The following TIMM9 variants were observed in gnomAD, a reference collection of about 807,000 sequenced individuals.
TIMM9 encodes translocase of inner mitochondrial membrane 9.
A neutral mutation model predicts 13.4 loss-of-function variants in TIMM9; 10 were observed. The ratio of observed to expected loss-of-function variants is 0.75; its 90% CI spans 0.46 to 1.26. TIMM9 has a LOEUF of 1.26. Ranked by LOEUF, TIMM9 falls within the 50% of genes most tolerant of loss-of-function variation. TIMM9 has a pLI of 0.00. For missense variants in TIMM9, 87 were observed against 100.8 expected, an observed-to-expected ratio of 0.86 and a Z score of 0.58; for synonymous variants, 32 against 32.1, an observed-to-expected ratio of 1.00 and a Z score of 0.01.
intron 3 of TIMM9, among the ~76,000 whole-genome samples, chr14:58,413,694 A>G (rs902539086): frequency 1.3e-5 from 2 of 152,202 alleles, no homozygotes; most frequent in Admixed American, 1.3e-4. Flanking sequence ...AAAAAGGTTG[A>G]GCATTTCATA....
intron 3 of TIMM9, among the ~76,000 whole-genome samples, chr14:58,422,087 G>A (rs1324032449): frequency 6.8e-6 from 1 of 147,748 alleles, no homozygotes; most frequent in Non-Finnish European, 1.5e-5. Flanking sequence ...TTATCAACCC[G>A]AGGTCAGAGA....
intron 2 of TIMM9, among the ~76,000 whole-genome samples, chr14:58,426,057 C>A (rs1046398260): frequency 1.3e-5 from 2 of 150,424 alleles, no homozygotes; most frequent in African/African-American, 4.9e-5. Flanking sequence ...GCGGAGGTTG[C>A]AGTGAGCCAA....
intron 3 of TIMM9, among the ~76,000 whole-genome samples, chr14:58,420,244 C>CT (rs1247132495): frequency 1.3e-5 from 2 of 152,052 alleles, no homozygotes; most frequent in African/African-American, 2.4e-5. Flanking sequence ...AAAACTTTTG[C>CT]TTTATGAAAG....
chr14:58,426,200 A>G (rs1159283726), intron 2 of TIMM9, among the ~76,000 whole-genome samples: 1 of 151,976 alleles, frequency 6.6e-6, no homozygotes, highest in Non-Finnish European at 1.5e-5. Flanking sequence ...CTGAGCCCTT[A>G]AAGTCTTTTT....
intron 2 of TIMM9, among the ~76,000 whole-genome samples, 197 bp from the exon 3 acceptor site, chr14:58,424,292 T>C (rs898306602): frequency 6.6e-6 from 1 of 152,240 alleles, no homozygotes; most frequent in Admixed American, 6.5e-5. Flanking sequence ...CTTAATGTCA[T>C]GCTATCCTTA....
chr14:58,422,273 G>A (rs1377325522), intron 3 of TIMM9, among the ~76,000 whole-genome samples: 4 of 151,768 alleles, frequency 2.6e-5, no homozygotes, highest in Admixed American at 6.6e-5. Flanking sequence ...GCACCACCAC[G>A]CCCAGCTAAT....
Position 58,412,932 on chromosome 14 carries a change from A to G in TIMM9, c.-26-961T>C, listed in dbSNP as rs185906222. ...TAATAATAATAATGATAATAAAAAG[A>G]AAAATAAAGGAAATCAAGAGATTTT... On this transcript the variant is annotated intron_variant, in intron 3 of 5. Coordinates refer to ENST00000395159, the MANE Select transcript of TIMM9 (RefSeq NM_012460.4). Among the ~76,000 whole-genome samples the G allele has an allele frequency of 1.2e-3, 182 of 152,202 alleles. 1 individual carries two copies. Among genetic ancestry groups the G allele is most frequent in the African/African-American group, 4.3e-3 (178 of 41,546 alleles).
intron 2 of TIMM9, among the ~76,000 whole-genome samples, chr14:58,425,068 T>C (rs1000819036): frequency 2.6e-5 from 4 of 152,052 alleles, no homozygotes. Context: ...GGCTGGTCTT[T>C]TCAAAAGTGT....
At position 58,427,129 on chromosome 14, in the gene TIMM9, G is replaced by A. The variant is rs1012439146; in HGVS notation, c.-190C>T. On this transcript the variant is annotated 5_prime_UTR_variant, in exon 2 of 6. Coordinates refer to ENST00000395159, the MANE Select transcript of TIMM9 (RefSeq NM_012460.4). ...GGGGACGGTTGAGCCTTGGGAGGGA[G>A]GGTCAGGGTCTGGACAGGAGCCGCG... The A allele has an allele frequency of 1.8e-5, 3 of 162,784 alleles. No homozygotes were observed. The highest frequency in any genetic ancestry group is 7.2e-5 in the African/African-American group (3 of 41,560). 10.1% of individuals were successfully genotyped at this position (162,784 alleles called of 1,614,324 possible).
In TIMM9 at chr14:58,410,862, C is replaced by G. The variant is rs746374677; in HGVS notation, c.116G>C (p.Arg39Thr). The change falls in exon 5 of 6, where the codon AGA becomes ACA. Residue 39 changes from arginine to threonine, a missense_variant. Physicochemically the swap from Arg to Thr is moderately conservative, Grantham distance 71. Coordinates refer to ENST00000395159, the MANE Select transcript of TIMM9 (RefSeq NM_012460.4). The part of the protein sequence containing the change: ...FLDCVKDFTT[R>T]EVKPEETTCS... Reference sequence around the variant, plus strand: ...TCATACCTCTTCAGGTTTTACTTCTCTTGTTGTGAAGTCTTTAACACAGTC... The same window carrying G: ...TCATACCTCTTCAGGTTTTACTTCTGTTGTTGTGAAGTCTTTAACACAGTC... 1 of 1,609,380 alleles carries G rather than the reference C, an allele frequency of 6.2e-7. No individual in the cohort carries two copies. Among genetic ancestry groups the G allele is most frequent in the Non-Finnish European group, 8.5e-7 (1 of 1,178,872 alleles).
chr14:58,410,946 C>T lies in TIMM9; in HGVS notation c.40-8G>A, dbSNP rs779391870. The stretch of plus-strand genomic sequence containing the variant: ...CCCCAGAAATTCCTTAAACTACAAA[C>T]AAACCAGAATGTTCTTTAGTATTTG... On this transcript the variant is annotated splice_polypyrimidine_tract_variant and splice_region_variant and intron_variant, in intron 4 of 5. Transcript: ENST00000395159. The T allele has an allele frequency of 1.3e-6, 2 of 1,595,638 alleles. No individual in the cohort carries two copies. Among genetic ancestry groups the T allele is most frequent in the East Asian group, 2.2e-5 (1 of 44,742 alleles).
Position 58,426,074 on chromosome 14 carries a change from G to A in TIMM9, c.-115+980C>T, listed in dbSNP as rs867801279. On this transcript the variant is annotated intron_variant, in intron 2 of 5. Coordinates refer to ENST00000395159, the MANE Select transcript of TIMM9 (RefSeq NM_012460.4). Reference sequence around the variant, plus strand: ...GGAGGTTGCAGTGAGCCAAGATCGCGCCACTGCACTCCAGCCTGTGCCACA... The same window carrying A: ...GGAGGTTGCAGTGAGCCAAGATCGCACCACTGCACTCCAGCCTGTGCCACA... 3.9e-4 allele frequency among the ~76,000 whole-genome samples: 59 copies of A among 151,688 alleles called. No homozygotes were observed. In the South Asian group the frequency reaches 8.2e-3, roughly 21 times the overall value.
intron 3 of TIMM9, among the ~76,000 whole-genome samples, chr14:58,419,494 CACACACACACAAACACAT>C (rs1398748048): frequency 1.2e-4 from 18 of 149,970 alleles, no homozygotes; most frequent in Non-Finnish European, 2.2e-4. Context: ...CACACACACA[CACACACACACAAACACAT>C]ACACACACAC....
chr14:58,408,775 A>G lies in TIMM9; in HGVS notation c.*259T>C. 1.4e-6 allele frequency: 1 copy of G among 694,464 alleles called. No homozygotes were observed. Among genetic ancestry groups the G allele is most frequent in the Non-Finnish European group, 2.3e-6 (1 of 433,470 alleles). 43.0% of individuals were successfully genotyped at this position (694,464 alleles called of 1,614,324 possible). A position where few individuals can be genotyped will look rare whatever the true frequency, so the allele number is the denominator to read the frequency against. On this transcript the variant is annotated 3_prime_UTR_variant, in exon 6 of 6. Coordinates refer to ENST00000395159, the MANE Select transcript of TIMM9 (RefSeq NM_012460.4). Reference sequence around the variant, plus strand: ...GAAACAATGGTTTATTTTTCTAATCAAGTGACCAAGCTGCTGAATCATAAG... The same window carrying G: ...GAAACAATGGTTTATTTTTCTAATCGAGTGACCAAGCTGCTGAATCATAAG...
rs1263069838 is a variant in TIMM9 at position 58,419,486 on chromosome 14, C to T, written c.-27+4522G>A. Among the ~76,000 whole-genome samples the T allele has an allele frequency of 2.0e-5, 3 of 150,670 alleles. No homozygotes were observed. In the South Asian group the frequency reaches 6.3e-4, roughly 32 times the overall value. On this transcript the variant is annotated intron_variant, in intron 3 of 5. Transcript: ENST00000395159. Reference sequence around the variant, plus strand: ...ACACACACACACACACACACACACACACACACACACACACACACAAACACA... The same window carrying T: ...ACACACACACACACACACACACACATACACACACACACACACACAAACACA...
chr14:58,419,503 AC>A (rs1434711777), intron 3 of TIMM9, among the ~76,000 whole-genome samples: 35 of 137,196 alleles, frequency 2.6e-4, no homozygotes, highest in Admixed American at 1.0e-3. Flanking sequence ...ACACACACAC[AC>A]AAACACATAC....
chr14:58,426,773 A>C (rs934508413), intron 2 of TIMM9, among the ~76,000 whole-genome samples: 2 of 152,138 alleles, frequency 1.3e-5, no homozygotes, highest in African/African-American at 4.8e-5. Flanking sequence ...TCACATCGTA[A>C]ATACCTTATA....
chr14:58,414,008 G>GAA (rs10656955), intron 3 of TIMM9, among the ~76,000 whole-genome samples: 261 of 24,176 alleles, frequency 0.011, 98 homozygotes, highest in Middle Eastern at 0.1. Context: ...TTCCGTCTCA[G>GAA]AAAAAAAAAA....
intron 5 of TIMM9, among the ~76,000 whole-genome samples, chr14:58,410,409 C>G (rs1452211396): frequency 6.6e-6 from 1 of 150,860 alleles, no homozygotes; most frequent in East Asian, 1.9e-4. Context: ...CAGAGCGAGA[C>G]CCTGTCTTAA....
Sources: allele counts gnomAD v4.1 joint callset (sites outside exome capture counted in the v4.1 genomes callset), GRCh38; gene constraint gnomAD v4.1.1; transcripts MANE v1.5; gene names NCBI Gene and HGNC (gene_info 2026-07-23, HGNC 2026-07-21).